UTRN: variants seen among roughly 807,000 people sequenced by gnomAD.
UTRN encodes the protein dystrophin-related protein 1.
UTRN carries 283 observed loss-of-function variants against 463.9 expected under a neutral mutation model. The ratio of observed to expected loss-of-function variants is 0.61; its 90% CI spans 0.55 to 0.67. The LOEUF (loss-of-function observed/expected upper bound fraction) is 0.67, where lower values mean the gene tolerates loss of function less well. Among genes scored for constraint, UTRN ranks in the 30% least tolerant of loss-of-function variants. UTRN has a pLI of 0.00. For missense variants in UTRN, 3,922 were observed against 4,084.3 expected (o/e 0.96, Z 1.08); for synonymous variants, 1,442 against 1,431.5 (o/e 1.01, Z -0.17).
At chr6:144,792,640 ACTTT>A (rs1776863991) in intron 62 of UTRN, among the ~76,000 whole-genome samples, 1 of 152,256 alleles carries the variant, frequency 6.6e-6, no homozygotes, top group Admixed American at 6.5e-5. Context: ...TATTTACTCC[ACTTT>A]CTTCTATTCT....
rs184688930 is a variant in UTRN, at chr6:144,359,210, A to G, written c.80-43913A>G. On this transcript the variant is annotated intron_variant, in intron 2 of 74. Transcript: ENST00000367545. ...GTGAGACAGTTCCATTTTGCTGTGGAAGCTGTCCTGTGCTTTGGGGATGCT... is the reference window on the plus strand; with the variant it reads ...GTGAGACAGTTCCATTTTGCTGTGGGAGCTGTCCTGTGCTTTGGGGATGCT... Among the ~76,000 whole-genome samples, 834 of 152,324 alleles carry G rather than the reference A, an allele frequency of 5.5e-3. 6 individuals carry two copies. Among genetic ancestry groups the G allele is most frequent in the Middle Eastern group, 0.014 (4 of 294 alleles).
chr6:144,532,081 G>T (rs1459979177), intron 42 of UTRN, among the ~76,000 whole-genome samples: 2 of 152,244 alleles, frequency 1.3e-5, no homozygotes, highest in African/African-American at 4.8e-5. Flanking sequence ...AGGTTGCAGT[G>T]AGCCAAGATC....
At chr6:144,392,857 T>C (rs1228202455) in intron 2 of UTRN, among the ~76,000 whole-genome samples, 1 of 152,196 alleles carries the variant, frequency 6.6e-6, no homozygotes, top group Non-Finnish European at 1.5e-5. Context: ...CCTCTCACTC[T>C]CCTCAAATTT....
At chr6:144,787,375 T>C (rs1195500336) in intron 61 of UTRN, among the ~76,000 whole-genome samples, 1 of 152,222 alleles carries the variant, frequency 6.6e-6, no homozygotes, top group African/African-American at 2.4e-5. Flanking sequence ...TTAGAAATTC[T>C]GCTTAGAAGG....
intron 2 of UTRN, among the ~76,000 whole-genome samples, chr6:144,314,910 C>A (rs1775183056): frequency 6.6e-6 from 1 of 152,048 alleles, no homozygotes. Flanking sequence ...GAAGTACTCA[C>A]AACAAAAATA....
At chr6:144,696,780 C>G (rs955444599) in intron 52 of UTRN, among the ~76,000 whole-genome samples, 1 of 152,136 alleles carries the variant, frequency 6.6e-6, no homozygotes, top group Non-Finnish European at 1.5e-5. Context: ...TAAATGTTTA[C>G]TTGTGCTGAG....
chr6:144,555,057 C>T lies in UTRN; in HGVS notation c.7134+164C>T, dbSNP rs371860806. Among the ~76,000 whole-genome samples the T allele has an allele frequency of 3.9e-4, 59 of 151,844 alleles. 1 individual carries two copies. In the East Asian group the frequency reaches 9.9e-3, roughly 25 times the overall value. On this transcript the variant is annotated intron_variant, in intron 49 of 74. Transcript: ENST00000367545. ...AGAATTTGATCTGGAAGATTTTTTT[C>T]GAAAAATTTCTGGAGGCATAACAAG...
chr6:144,429,531 A>G (rs951617871), intron 8 of UTRN, 50 bp from the exon 9 acceptor site: 7 of 1,526,454 alleles, frequency 4.6e-6, no homozygotes, highest in African/African-American at 2.8e-5. Context: ...AGCAATTCAC[A>G]TATTTTGGAC....
chr6:144,628,140 C>G lies in UTRN; in HGVS notation c.7480-50266C>G, dbSNP rs564160871. On this transcript the variant is annotated intron_variant, in intron 51 of 74. Coordinates refer to ENST00000367545, the MANE Select transcript of UTRN (RefSeq NM_007124.3). ...AAGGCTAATTATTATGCATATATCA[C>G]ATTTTGCTTATCTCTTTATCATCTA... 9.6e-4 allele frequency among the ~76,000 whole-genome samples: 146 copies of G among 152,214 alleles called. 1 individual carries two copies. The highest frequency in any genetic ancestry group is 6.9e-4 in the Non-Finnish European group (47 of 68,002).
intron 2 of UTRN, among the ~76,000 whole-genome samples, chr6:144,400,650 A>C (rs769198520): frequency 6.6e-6 from 1 of 152,136 alleles, no homozygotes; most frequent in African/African-American, 2.4e-5. Flanking sequence ...AGGAAAATGC[A>C]AACTAGTCTT....
intron 65 of UTRN, among the ~76,000 whole-genome samples, chr6:144,810,042 A>G (rs1252581194): frequency 6.6e-6 from 1 of 152,146 alleles, no homozygotes; most frequent in African/African-American, 2.4e-5. Flanking sequence ...TAGAAGTATG[A>G]TTGAATAAGA....
intron 62 of UTRN, among the ~76,000 whole-genome samples, chr6:144,789,901 G>A (rs1054078368): frequency 6.6e-6 from 1 of 152,004 alleles, no homozygotes; most frequent in African/African-American, 2.4e-5. Flanking sequence ...AAGGTATATT[G>A]GCTTTGGAAA....
At chr6:144,554,941 C>G in intron 49 of UTRN, 48 bp downstream of exon 49, 1 of 1,590,066 alleles carries the variant, frequency 6.3e-7, no homozygotes. Flanking sequence ...GTTGGATATA[C>G]TTTTTTTCTA....
intron 54 of UTRN, among the ~76,000 whole-genome samples, chr6:144,732,731 G>C (rs1788881419): frequency 7.1e-6 from 1 of 140,772 alleles, no homozygotes; most frequent in Non-Finnish European, 1.5e-5. Flanking sequence ...ATGTTATTTT[G>C]AGACAGGGTT....
intron 57 of UTRN, among the ~76,000 whole-genome samples, chr6:144,755,524 G>A (rs1236862882): frequency 6.6e-6 from 1 of 152,074 alleles, no homozygotes; most frequent in Non-Finnish European, 1.5e-5. Context: ...TGATTTCTTT[G>A]TCTTAAAATA....
At chr6:144,486,698 T>G (rs569365230) in intron 28 of UTRN, among the ~76,000 whole-genome samples, 9 of 152,160 alleles carry the variant, frequency 5.9e-5, no homozygotes, top group Non-Finnish European at 1.2e-4. Flanking sequence ...TTTTGTATTT[T>G]TAGTAGAGAT....
intron 51 of UTRN, chr6:144,583,512 T>C (rs1261882970): frequency 1.4e-6 from 1 of 716,194 alleles, no homozygotes; most frequent in African/African-American, 1.7e-5. Flanking sequence ...ATGGCTGTGG[T>C]GAGAACGTCT....
At chr6:144,408,030 A>T (rs2114809635) in intron 3 of UTRN, among the ~76,000 whole-genome samples, 1 of 152,348 alleles carries the variant, frequency 6.6e-6, no homozygotes, top group Middle Eastern at 3.4e-3. Context: ...ACATTTCCAT[A>T]GCCATAAGAC....
At chr6:144,778,336 A>G (rs977047554) in intron 60 of UTRN, among the ~76,000 whole-genome samples, 33 of 152,064 alleles carry the variant, frequency 2.2e-4, no homozygotes, top group Admixed American at 4.6e-4. Context: ...TGCAGACTGG[A>G]TTTCATCATG....
Sources: allele counts gnomAD v4.1 joint callset (sites outside exome capture counted in the v4.1 genomes callset), GRCh38; gene constraint gnomAD v4.1.1; transcripts MANE v1.5; gene names NCBI Gene and HGNC (gene_info 2026-07-23, HGNC 2026-07-21).